IL1RAPL1: variants seen among roughly 807,000 people sequenced by gnomAD.
The protein encoded by IL1RAPL1 is interleukin 1 receptor accessory protein like 1.
Under a neutral mutation model 48.4 loss-of-function variants are expected in IL1RAPL1, and 3 were observed. That is an observed-to-expected ratio of 0.06 (90% CI 0.03 to 0.16). IL1RAPL1 has a LOEUF of 0.16. IL1RAPL1 is among the 10% of genes least tolerant of loss of function. The pLI is 1.00. For missense variants in IL1RAPL1, 349 were observed against 530.6 expected (o/e 0.66, Z 3.36); for synonymous variants, 185 against 187.7 (o/e 0.99, Z 0.12).
rs375811653 is a variant in IL1RAPL1 at position 29,328,953 on chromosome X, A to T, written c.362+45736A>T. Among the ~76,000 whole-genome samples the T allele has an allele frequency of 7.2e-5, 8 of 111,672 alleles. No individual in the cohort carries two copies. The East Asian group carries it at 1.1e-3, about 16-fold the overall frequency. On this transcript the variant is annotated intron_variant, in intron 3 of 10. Transcript: ENST00000378993. ...GCTGATATTTCTCATTATATATGAG[A>T]TAGCTTCAAATTATGATATAGAAAA...
chrX:28,704,427 C>A (rs868480816), intron 1 of IL1RAPL1, among the ~76,000 whole-genome samples: 7 of 94,900 alleles, frequency 7.4e-5, no homozygotes, highest in Non-Finnish European at 1.0e-4. Context: ...CACAAACACA[C>A]ACACACACAC....
intron 2 of IL1RAPL1, among the ~76,000 whole-genome samples, chrX:28,863,335 T>A (rs1038981110): frequency 3.0e-5 from 3 of 100,498 alleles, no homozygotes; most frequent in African/African-American, 1.1e-4. Context: ...ACAATATGTT[T>A]AAAAAAAAAA....
intron 6 of IL1RAPL1, among the ~76,000 whole-genome samples, chrX:29,742,930 G>A (rs1007130599): frequency 1.8e-5 from 2 of 110,643 alleles, no homozygotes; most frequent in South Asian, 3.8e-4. Flanking sequence ...TTCTAGTTGC[G>A]GCCCTGCCCT....
At chrX:29,885,464 A>C (rs1193708015) in intron 6 of IL1RAPL1, among the ~76,000 whole-genome samples, 1 of 111,592 alleles carries the variant, frequency 9.0e-6, no homozygotes, top group African/African-American at 3.3e-5. Context: ...CCAAGCACTG[A>C]GAGTAGTGCC....
At chrX:29,727,236 T>TCC (rs1927796527) in intron 6 of IL1RAPL1, among the ~76,000 whole-genome samples, 1 of 111,986 alleles carries the variant, frequency 8.9e-6, no homozygotes, top group Non-Finnish European at 1.9e-5. Flanking sequence ...GTTTTACTCC[T>TCC]CCCTCCCTAT....
chrX:29,273,867 C>T (rs1324177545), intron 2 of IL1RAPL1, among the ~76,000 whole-genome samples: 2 of 111,447 alleles, frequency 1.8e-5, no homozygotes, highest in Non-Finnish European at 3.8e-5. Context: ...TGCCAGTGCC[C>T]ATCAAGGCAA....
chrX:28,704,444 ACACACACACACGCATG>A (rs1344420194), intron 1 of IL1RAPL1, among the ~76,000 whole-genome samples: 1 of 107,560 alleles, frequency 9.3e-6, no homozygotes, highest in Non-Finnish European at 1.9e-5. Context: ...ACACACACAC[ACACACACACACGCATG>A]CACACACACC....
chrX:28,739,462 C>T (rs1412908453), intron 1 of IL1RAPL1, among the ~76,000 whole-genome samples: 2 of 111,542 alleles, frequency 1.8e-5, no homozygotes, highest in East Asian at 5.7e-4. Flanking sequence ...AGGCACTATT[C>T]CCAGCACGTT....
chrX:28,847,112 C>T (rs751039694), intron 2 of IL1RAPL1, among the ~76,000 whole-genome samples: 22 of 111,742 alleles, frequency 2.0e-4, no homozygotes, highest in Admixed American at 1.9e-3. Context: ...CCTGACCCTT[C>T]ACATTCTTCC....
chrX:28,612,488 A>G (rs1451500906), intron 1 of IL1RAPL1, among the ~76,000 whole-genome samples: 1 of 111,138 alleles, frequency 9.0e-6, no homozygotes, highest in East Asian at 2.9e-4. Context: ...GTTCCCCTAG[A>G]CTCCTTGTCC....
At chrX:28,919,048 A>G (rs1311722451) in intron 2 of IL1RAPL1, among the ~76,000 whole-genome samples, 1 of 111,613 alleles carries the variant, frequency 9.0e-6, no homozygotes, top group Non-Finnish European at 1.9e-5. Context: ...AAGCCCCAAA[A>G]TACTTATTTA....
At chrX:29,657,357 C>T (rs776019426) in intron 5 of IL1RAPL1, among the ~76,000 whole-genome samples, 102 of 111,460 alleles carry the variant, frequency 9.2e-4, no homozygotes, top group Non-Finnish European at 1.5e-3. Flanking sequence ...CCAATTGTGA[C>T]GATCTCAGTT....
chrX:29,878,466 T>G (rs1931956228), intron 6 of IL1RAPL1, among the ~76,000 whole-genome samples: 1 of 111,839 alleles, frequency 8.9e-6, no homozygotes, highest in African/African-American at 3.2e-5. Flanking sequence ...AAACAGAATT[T>G]GAGACATTGC....
At chrX:28,677,573 C>G (rs1182353662) in intron 1 of IL1RAPL1, among the ~76,000 whole-genome samples, 1 of 111,326 alleles carries the variant, frequency 9.0e-6, no homozygotes, top group Non-Finnish European at 1.9e-5. Context: ...TGCATACTTT[C>G]AAAGATAGCC....
chrX:28,636,075 CATAGCCATTCTT>C lies in IL1RAPL1; in HGVS notation c.-25+48030_-25+48041del, dbSNP rs1335064710. Reference sequence around the variant, plus strand: ...TTTTCCATATCTCCAAAAGCATCAGCATAGCCATTCTTACCCACAAAGCACTGTTGACCAACT... The same window carrying C: ...TTTTCCATATCTCCAAAAGCATCAGCACCCACAAAGCACTGTTGACCAACT... On this transcript the variant is annotated intron_variant, in intron 1 of 10. Coordinates refer to ENST00000378993, the MANE Select transcript of IL1RAPL1 (RefSeq NM_014271.4). Among the ~76,000 whole-genome samples, 31 of 111,609 alleles carry C rather than the reference CATAGCCATTCTT, an allele frequency of 2.8e-4. No individual in the cohort carries two copies. The East Asian group carries it at 8.5e-3, about 31-fold the overall frequency.
At chrX:29,367,634 G>A (rs753739654) in intron 3 of IL1RAPL1, among the ~76,000 whole-genome samples, 3 of 107,980 alleles carry the variant, frequency 2.8e-5, no homozygotes, top group South Asian at 4.0e-4. Context: ...ATGCTGGAGT[G>A]CAGTGGTGCA....
chrX:29,150,629 A>T (rs1471143799), intron 2 of IL1RAPL1, among the ~76,000 whole-genome samples: 1 of 110,221 alleles, frequency 9.1e-6, no homozygotes, highest in Non-Finnish European at 1.9e-5. Context: ...TGATATTATA[A>T]ATTAAGAAAC....
At chrX:28,721,849 G>T (rs1415412211) in intron 1 of IL1RAPL1, among the ~76,000 whole-genome samples, 1 of 111,040 alleles carries the variant, frequency 9.0e-6, no homozygotes, top group Non-Finnish European at 1.9e-5. Flanking sequence ...TATTAAATAG[G>T]GAATCCTTTC....
At chrX:29,918,235 T>C (rs1412405264) in intron 7 of IL1RAPL1, among the ~76,000 whole-genome samples, 2 of 74,903 alleles carry the variant, frequency 2.7e-5, no homozygotes, top group Non-Finnish European at 5.0e-5. Context: ...GAGACCTTTT[T>C]TTTAAAAAAA....
Sources: allele counts gnomAD v4.1 joint callset (sites outside exome capture counted in the v4.1 genomes callset), GRCh38; gene constraint gnomAD v4.1.1; transcripts MANE v1.5; gene names NCBI Gene and HGNC (gene_info 2026-07-23, HGNC 2026-07-21).